HPSE2: variants seen among roughly 807,000 people sequenced by gnomAD.
The protein encoded by HPSE2 is inactive heparanase-2.
Under a neutral mutation model 60.5 loss-of-function variants are expected in HPSE2, and 38 were observed. That is an observed-to-expected ratio of 0.63 (90% confidence interval 0.48 to 0.82). HPSE2 has a LOEUF of 0.82. Among genes scored for constraint, HPSE2 ranks in the 40% least tolerant of loss-of-function variants. The pLI is 0.00. For synonymous variants in HPSE2, 295 were observed against 293.2 expected, an observed-to-expected ratio of 1.01 and a Z score of -0.06; for missense variants, 713 against 740.4, an observed-to-expected ratio of 0.96 and a Z score of 0.43.
chr10:98,708,144 A>G (rs917316664), intron 5 of HPSE2, among the ~76,000 whole-genome samples: 1 of 152,158 alleles, frequency 6.6e-6, no homozygotes, highest in African/African-American at 2.4e-5. Context: ...ATTAAAATGT[A>G]GTTTAGTTTC....
intron 3 of HPSE2, among the ~76,000 whole-genome samples, chr10:99,044,472 C>T (rs1957810368): frequency 6.6e-6 from 1 of 152,154 alleles, no homozygotes; most frequent in African/African-American, 2.4e-5. Flanking sequence ...AACCAGCTAA[C>T]GACATAATGG....
intron 3 of HPSE2, among the ~76,000 whole-genome samples, chr10:98,824,581 C>A (rs1951499721): frequency 6.6e-6 from 1 of 152,164 alleles, no homozygotes; most frequent in Admixed American, 6.6e-5. Flanking sequence ...TAGGTGCCTT[C>A]AGAAATGCAT....
At chr10:98,590,674 A>C (rs946713709) in intron 9 of HPSE2, among the ~76,000 whole-genome samples, 2 of 152,192 alleles carry the variant, frequency 1.3e-5, no homozygotes, top group African/African-American at 2.4e-5. Context: ...AGATACACCC[A>C]GGATTGTATG....
the HPSE2 span, among the ~76,000 whole-genome samples, chr10:99,294,037 C>A: frequency 6.6e-6 from 1 of 152,182 alleles, no homozygotes; most frequent in African/African-American, 2.4e-5. Context: ...TCACCTGCTA[C>A]TAAACCTACT....
chr10:98,673,440 C>T (rs1947557419), intron 6 of HPSE2, among the ~76,000 whole-genome samples: 1 of 152,138 alleles, frequency 6.6e-6, no homozygotes, highest in Non-Finnish European at 1.5e-5. Flanking sequence ...TCTGCCTTTC[C>T]CCATTTGCTC....
At position 98,480,873 on chromosome 10, in the gene HPSE2, T is replaced by C. The variant is rs556826697; in HGVS notation, c.1613+1763A>G. 1.4e-4 allele frequency among the ~76,000 whole-genome samples: 21 copies of C among 152,344 alleles called. No individual in the cohort carries two copies. The South Asian group carries it at 4.1e-3, about 30-fold the overall frequency. The stretch of plus-strand genomic sequence containing the variant: ...GGAAAAGGAAGGCAATGGATATTTA[T>C]TGAGCATTTACTATATGTCAGGAAC... On this transcript the variant is annotated intron_variant, in intron 11 of 11. Coordinates refer to ENST00000370552, the MANE Select transcript of HPSE2 (RefSeq NM_021828.5).
chr10:98,728,836 C>T (rs189765013), intron 4 of HPSE2, among the ~76,000 whole-genome samples: 3 of 151,992 alleles, frequency 2.0e-5, no homozygotes, highest in Non-Finnish European at 2.9e-5. Flanking sequence ...AGTGAAACCC[C>T]ATGTCTACGA....
At chr10:98,628,302 G>C in intron 7 of HPSE2, among the ~76,000 whole-genome samples, 1 of 152,060 alleles carries the variant, frequency 6.6e-6, no homozygotes, top group East Asian at 1.9e-4. Context: ...GGCAGAAGAG[G>C]AGAGAAAAAA....
chr10:98,740,104 G>T (rs1949458668), intron 4 of HPSE2, among the ~76,000 whole-genome samples: 1 of 151,908 alleles, frequency 6.6e-6, no homozygotes, highest in Non-Finnish European at 1.5e-5. Context: ...TATATCCAAA[G>T]AAAGTAATTG....
At chr10:98,957,454 T>C (rs1955538219) in intron 3 of HPSE2, among the ~76,000 whole-genome samples, 1 of 152,200 alleles carries the variant, frequency 6.6e-6, no homozygotes, top group African/African-American at 2.4e-5. Flanking sequence ...GTCAGAAGAC[T>C]GGCATATTAG....
At chr10:98,641,756 C>G in intron 7 of HPSE2, 91 bp downstream of exon 7, 1 of 955,586 alleles carries the variant, frequency 1.0e-6, no homozygotes, top group Admixed American at 1.7e-5. Context: ...CTCTGGTTCC[C>G]ACAGTGCTGA....
chr10:98,926,050 T>A (rs1016655164), intron 3 of HPSE2, among the ~76,000 whole-genome samples: 1 of 152,134 alleles, frequency 6.6e-6, no homozygotes, highest in African/African-American at 2.4e-5. Flanking sequence ...ATATTTACTC[T>A]GTCTTTTTGG....
At chr10:99,276,844 T>C in the HPSE2 span, among the ~76,000 whole-genome samples, 1 of 152,202 alleles carries the variant, frequency 6.6e-6, no homozygotes, top group Non-Finnish European at 1.5e-5. Flanking sequence ...CTGGAAAGAA[T>C]ACTGTAATAT....
chr10:98,725,657 A>G (rs1453281437), intron 4 of HPSE2, among the ~76,000 whole-genome samples: 16 of 152,198 alleles, frequency 1.1e-4, no homozygotes, highest in African/African-American at 3.4e-4. Context: ...ATTAAACTAA[A>G]GAGCTTCTGC....
At chr10:98,723,305 G>T (rs1250479041) in intron 4 of HPSE2, among the ~76,000 whole-genome samples, 1 of 152,108 alleles carries the variant, frequency 6.6e-6, no homozygotes, top group Non-Finnish European at 1.5e-5. Flanking sequence ...TGCATCCCAG[G>T]GATGAAGCCC....
chr10:99,303,160 C>T, the HPSE2 span, among the ~76,000 whole-genome samples: 1 of 152,158 alleles, frequency 6.6e-6, no homozygotes, highest in Non-Finnish European at 1.5e-5. Context: ...CCTCAATCCT[C>T]AGGTAACGCA....
Position 99,202,849 on chromosome 10 carries a change from A to G in HPSE2, c.448+29499T>C, listed in dbSNP as rs909560678. Among the ~76,000 whole-genome samples the G allele has an allele frequency of 2.0e-5, 3 of 152,146 alleles. No individual in the cohort carries two copies. The East Asian group carries it at 5.8e-4, about 29-fold the overall frequency. ...TAGGCATAGCACAAAAAATAAGAAA[A>G]GACATACTGAAGAGAATAAGAGGGA... is the stretch of plus-strand genomic sequence containing the variant. On this transcript the variant is annotated intron_variant, in intron 2 of 11. Coordinates refer to ENST00000370552, the MANE Select transcript of HPSE2 (RefSeq NM_021828.5).
intron 3 of HPSE2, among the ~76,000 whole-genome samples, chr10:98,933,298 T>C (rs1468813988): frequency 6.9e-6 from 1 of 144,018 alleles, no homozygotes; most frequent in Non-Finnish European, 1.5e-5. Context: ...TAATCTTGAG[T>C]TTTAATTTGA....
chr10:99,010,004 A>C (rs1438606072), intron 3 of HPSE2, among the ~76,000 whole-genome samples: 1 of 152,242 alleles, frequency 6.6e-6, no homozygotes, highest in Non-Finnish European at 1.5e-5. Flanking sequence ...ATTCATTTAC[A>C]GACCATTGTT....
Sources: allele counts gnomAD v4.1 joint callset (sites outside exome capture counted in the v4.1 genomes callset), GRCh38; gene constraint gnomAD v4.1.1; transcripts MANE v1.5; gene names NCBI Gene and HGNC (gene_info 2026-07-23, HGNC 2026-07-21).